Variants in MORC2 observed in about 807,000 individuals in gnomAD.
The protein encoded by MORC2 is ATPase MORC2.
Under a neutral mutation model 136.0 loss-of-function variants are expected in MORC2, and 30 were observed. That is an observed-to-expected ratio of 0.22 (90% CI 0.17 to 0.30). The LOEUF is 0.30. MORC2 is among the 10% of genes least tolerant of loss of function. The pLI is 1.00. For synonymous variants in MORC2, 439 were observed against 487.0 expected, an observed-to-expected ratio of 0.90 and a Z score of 1.30; for missense variants, 922 against 1,333.1, an observed-to-expected ratio of 0.69 and a Z score of 4.80.
intron 25 of MORC2, among the ~76,000 whole-genome samples, chr22:30,927,727 C>A (rs2040509570): frequency 6.6e-6 from 1 of 152,240 alleles, no homozygotes; most frequent in Admixed American, 6.5e-5. Flanking sequence ...TACCCAATCC[C>A]ATCTGGGCGT....
Position 30,934,018 on chromosome 22 carries a change from C to T in MORC2, c.2325+42G>A, listed in dbSNP as rs2040616470. On this transcript the variant is annotated intron_variant, in intron 20 of 25. Transcript: ENST00000397641. The surrounding 1 kb of genome is among the most constrained non-coding windows in gnomAD (Gnocchi z 4.4). ...CAGACTGCTGGTGGGGGCTGCAGGC[C>T]CTAGAGAGAGAGGCTTTGAGAACCT... The T allele has an allele frequency of 6.2e-7, 1 of 1,611,724 alleles. No homozygotes were observed. The highest frequency in any genetic ancestry group is 8.5e-7 in the Non-Finnish European group (1 of 1,178,760).
chr22:30,947,773 C>T (rs1032134196), intron 5 of MORC2, among the ~76,000 whole-genome samples: 1 of 152,198 alleles, frequency 6.6e-6, no homozygotes, highest in Non-Finnish European at 1.5e-5. Flanking sequence ...AAAGCATGCC[C>T]TTGCCCTAAT....
rs2040621670 is a variant in MORC2 at position 30,934,326 on chromosome 22, T to C, written c.2194-135A>G. ...AATCCCTGCCTGACATTACTTGGAA[T>C]GTACACAGGCAACCCACTGGCCCCT... On this transcript the variant is annotated intron_variant, in intron 19 of 25. Transcript: ENST00000397641. The surrounding 1 kb of genome is among the most constrained non-coding windows in gnomAD (Gnocchi z 4.4). The C allele has an allele frequency of 7.6e-7, 1 of 1,311,600 alleles. No individual in the cohort carries two copies. The highest frequency in any genetic ancestry group is 1.0e-6 in the Non-Finnish European group (1 of 966,712). 81.2% of individuals were successfully genotyped at this position (1,311,600 alleles called of 1,614,324 possible).
chr22:30,950,340 C>CAT, intron 4 of MORC2, 37 bp downstream of exon 4: 1 of 432,066 alleles, frequency 2.3e-6, no homozygotes. Context: ...TTACATCGCA[C>CAT]CCCCCCACCC....
rs2040477901 is a variant in MORC2 at position 30,926,082 on chromosome 22, T to G, written c.*721A>C. 6.6e-6 allele frequency: 1 copy of G among 152,176 alleles called. No individual in the cohort carries two copies. Among genetic ancestry groups the G allele is most frequent in the South Asian group, 2.1e-4 (1 of 4,828 alleles). The allele number at this position is 152,176 out of a possible 1,614,324, so 9.4% of individuals were successfully genotyped here. ...TCAGTGTGCTGCCCAAGTCAGAGAT[T>G]TACCACAGATCTGTCTCCCCCTCAA... On this transcript the variant is annotated 3_prime_UTR_variant, in exon 26 of 26. Transcript: ENST00000397641.
chr22:30,942,217 T>G lies in MORC2; in HGVS notation c.481A>C (p.Asn161His), dbSNP rs1316437948. ...GTCTCAATGGCAAATTTCTCTACATTGTCTGTGACAGGTTCCCGGGTCCGA... is the reference window on the plus strand; with the variant it reads ...GTCTCAATGGCAAATTTCTCTACATGGTCTGTGACAGGTTCCCGGGTCCGA... ...NARTREPVTD[N>H]VEKFAIETEL... The change falls in exon 7 of 26, where the codon AAT becomes CAT. Residue 161 changes from asparagine to histidine, a missense_variant. Asn to His is a moderately conservative substitution (Grantham distance 68). Transcript: ENST00000397641. The G allele has an allele frequency of 2.5e-6, 4 of 1,614,012 alleles. No individual in the cohort carries two copies. Among genetic ancestry groups the G allele is most frequent in the Non-Finnish European group, 3.4e-6 (4 of 1,180,042 alleles).
chr22:30,940,683 G>C, intron 10 of MORC2, 75 bp downstream of exon 10: 1 of 1,341,250 alleles, frequency 7.5e-7, no homozygotes, highest in South Asian at 1.2e-5. Context: ...GCCTTTTCCT[G>C]GAACCCCACT....
At chr22:30,936,794 T>C (rs2040659451) in intron 16 of MORC2, 138 bp downstream of exon 16, 4 of 1,282,726 alleles carry the variant, frequency 3.1e-6, no homozygotes, top group Non-Finnish European at 4.4e-6. Context: ...CTGCAGGACA[T>C]ACATCTATTT....
rs79984745 is a variant in MORC2 at position 30,933,593 on chromosome 22, C to G, written c.2326-73G>C. 2.0e-6 allele frequency: 3 copies of G among 1,478,408 alleles called. No individual in the cohort carries two copies. The African/African-American group carries it at 4.1e-5, about 20-fold the overall frequency. The allele number at this position is 1,478,408 out of a possible 1,614,324, so 91.6% of individuals were successfully genotyped here. On this transcript the variant is annotated intron_variant, in intron 20 of 25. Coordinates refer to ENST00000397641, the MANE Select transcript of MORC2 (RefSeq NM_001303256.3). ...GCAGACTTGTGCCTTACTGGCCACC[C>G]GGGGTCATCAGCCATCATCTTCACG... is the stretch of plus-strand genomic sequence containing the variant.
Position 30,941,669 on chromosome 22 carries a change from TCTG to T in MORC2, c.699-114_699-112del. On this transcript the variant is annotated intron_variant, in intron 8 of 25. Coordinates refer to ENST00000397641, the MANE Select transcript of MORC2 (RefSeq NM_001303256.3). The surrounding 1 kb of genome is among the most constrained non-coding windows in gnomAD (Gnocchi z 4.6). ...CACCTTTCCATGTTAGGTACTGACT[TCTG>T]CTGCTGCCCTGAACTGGTGCTCCCT... The T allele has an allele frequency of 2.1e-6, 3 of 1,437,902 alleles. No homozygotes were observed. In the South Asian group the frequency reaches 4.0e-5, roughly 19 times the overall value. 89.1% of individuals were successfully genotyped at this position (1,437,902 alleles called of 1,614,324 possible).
At position 30,937,923 on chromosome 22, in the gene MORC2, G is replaced by A; in HGVS notation, c.1261C>T (p.Leu421=). The A allele has an allele frequency of 6.2e-7, 1 of 1,614,096 alleles. No individual in the cohort carries two copies. The highest frequency in any genetic ancestry group is 8.5e-7 in the Non-Finnish European group (1 of 1,180,028). ...TCCTGTTTGTTGTGTGTAGGCTCCA[G>A]GACCAGGTAGGGCACATCAACAACC... ...VGVVDVPYLV[L]EPTHNKQDFA... Residue 421 remains leucine (L), a synonymous_variant, in exon 14 of 26, where the codon CTG becomes TTG. Coordinates refer to ENST00000397641, the MANE Select transcript of MORC2 (RefSeq NM_001303256.3). This position sits in a 1 kb window ranked among gnomAD's most constrained non-coding sequence, Gnocchi z 4.7.
At chr22:30,958,343 C>T (rs951071064) in intron 2 of MORC2, among the ~76,000 whole-genome samples, 2 of 152,174 alleles carry the variant, frequency 1.3e-5, no homozygotes, top group African/African-American at 4.8e-5. Context: ...TATCTTAATT[C>T]CTTGCATTTT....
intron 24 of MORC2, among the ~76,000 whole-genome samples, chr22:30,929,446 T>C (rs918352818): frequency 2.0e-5 from 3 of 152,094 alleles, no homozygotes; most frequent in Admixed American, 6.5e-5. Flanking sequence ...TCCCTGATGC[T>C]AAAAAAATAG....
intron 6 of MORC2, among the ~76,000 whole-genome samples, chr22:30,943,714 C>T (rs994113847): frequency 6.6e-6 from 1 of 152,174 alleles, no homozygotes; most frequent in Non-Finnish European, 1.5e-5. Context: ...GTTAAGAGTT[C>T]TGAGACATTT....
chr22:30,930,866 C>T (rs1164958199), intron 24 of MORC2, among the ~76,000 whole-genome samples: 1 of 152,240 alleles, frequency 6.6e-6, no homozygotes, highest in Non-Finnish European at 1.5e-5. Context: ...TCTCCACGTG[C>T]ACAATGCACA....
chr22:30,950,295 A>C (rs2040868810), intron 4 of MORC2, 82 bp downstream of exon 4: 1 of 1,466,068 alleles, frequency 6.8e-7, no homozygotes, highest in Non-Finnish European at 9.5e-7. Context: ...GCAACAGAAA[A>C]ACAAGTTCAC....
intron 5 of MORC2, among the ~76,000 whole-genome samples, chr22:30,949,377 A>C (rs2040859023): frequency 6.6e-6 from 1 of 152,190 alleles, no homozygotes; most frequent in Non-Finnish European, 1.5e-5. Context: ...CTCAGGGAAC[A>C]CTGCTGCACA....
Position 30,926,469 on chromosome 22 carries a change from G to C in MORC2, c.*334C>G, listed in dbSNP as rs2040483890. On this transcript the variant is annotated 3_prime_UTR_variant, in exon 26 of 26. Coordinates refer to ENST00000397641, the MANE Select transcript of MORC2 (RefSeq NM_001303256.3). Reference sequence around the variant, plus strand: ...ATGGCACTGGACTCGCCGTTATCTTGAGGAGCCAGGAGCTGAAATGGCTCC... The same window carrying C: ...ATGGCACTGGACTCGCCGTTATCTTCAGGAGCCAGGAGCTGAAATGGCTCC... 6.4e-6 allele frequency: 1 copy of C among 157,282 alleles called. No homozygotes were observed. The allele number at this position is 157,282 out of a possible 1,614,324, so 9.7% of individuals were successfully genotyped here.
chr22:30,937,044 A>G lies in MORC2; in HGVS notation c.1499-7T>C. ...CTCCATTTCAGACACAAATCTGCAG[A>G]GAGCAAAAAAACCCCACATATCAGC... On this transcript the variant is annotated splice_polypyrimidine_tract_variant and splice_region_variant and intron_variant, in intron 15 of 25. Coordinates refer to ENST00000397641, the MANE Select transcript of MORC2 (RefSeq NM_001303256.3). The surrounding 1 kb of genome is among the most constrained non-coding windows in gnomAD (Gnocchi z 4.7). 1 of 1,606,874 alleles carries G rather than the reference A, an allele frequency of 6.2e-7. No homozygotes were observed. Among genetic ancestry groups the G allele is most frequent in the Non-Finnish European group, 8.5e-7 (1 of 1,173,520 alleles).
Sources: allele counts gnomAD v4.1 joint callset (sites outside exome capture counted in the v4.1 genomes callset), GRCh38; gene constraint gnomAD v4.1.1; non-coding constraint Gnocchi (gnomAD v3.1); transcripts MANE v1.5; gene names NCBI Gene and HGNC (gene_info 2026-07-23, HGNC 2026-07-21).